SORBS2: variants seen among roughly 807,000 people sequenced by gnomAD.
SORBS2 encodes the protein sorbin and SH3 domain containing 2.
In SORBS2, 46 loss-of-function variants were observed where a neutral mutation model predicts 97.7. The observed-to-expected ratio is 0.47, with a 90% CI of 0.37 to 0.60. The LOEUF is 0.60. SORBS2 is among the 20% of genes least tolerant of loss of function. The pLI, the probability that SORBS2 is intolerant of heterozygous loss-of-function variation, is 0.00. For synonymous variants in SORBS2, 476 were observed against 473.4 expected (o/e 1.01, Z -0.07); for missense variants, 1,316 against 1,282.3 (o/e 1.03, Z -0.40).
chr4:185,721,610 C>T (rs1234601454), intron 2 of SORBS2, among the ~76,000 whole-genome samples: 1 of 152,168 alleles, frequency 6.6e-6, no homozygotes, highest in East Asian at 1.9e-4. Flanking sequence ...GGAGAAATAA[C>T]TTTTTTGGTA....
At chr4:185,908,368 T>TACACACAA (rs2099252863) in intron 1 of SORBS2, among the ~76,000 whole-genome samples, 3 of 145,150 alleles carry the variant, frequency 2.1e-5, no homozygotes, top group Non-Finnish European at 3.0e-5. Context: ...TATACATGTA[T>TACACACAA]ATATATGTTA....
chr4:185,922,965 G>T (rs1412444173), intron 1 of SORBS2, among the ~76,000 whole-genome samples: 1 of 152,204 alleles, frequency 6.6e-6, no homozygotes, highest in African/African-American at 2.4e-5. Context: ...TGTCAAGTTA[G>T]ATACAAACCC....
chr4:185,876,019 T>C (rs2099233419), intron 1 of SORBS2, among the ~76,000 whole-genome samples: 2 of 152,242 alleles, frequency 1.3e-5, no homozygotes, highest in South Asian at 4.1e-4. Context: ...CTTCTCTGTG[T>C]TTTGTACCCT....
intron 4 of SORBS2, among the ~76,000 whole-genome samples, chr4:185,664,010 A>T (rs1365601846): frequency 6.6e-6 from 1 of 151,056 alleles, no homozygotes; most frequent in Non-Finnish European, 1.5e-5. Flanking sequence ...GCCCACCACC[A>T]CGCCCGGCTA....
At chr4:185,658,074 A>G (rs1349030196), upstream of SORBS2, among the ~76,000 whole-genome samples, 1 of 152,232 alleles carries the variant, frequency 6.6e-6, no homozygotes, top group East Asian at 1.9e-4. Flanking sequence ...ATTTCCAGAC[A>G]AAGACATGAC....
At chr4:185,887,813 GA>G (rs1198276236) in intron 1 of SORBS2, among the ~76,000 whole-genome samples, 2 of 152,058 alleles carry the variant, frequency 1.3e-5, no homozygotes, top group African/African-American at 2.4e-5. Flanking sequence ...TGGGGTTGCT[GA>G]TCTTCTTAAT....
intron 1 of SORBS2, among the ~76,000 whole-genome samples, chr4:185,946,642 C>T (rs2099274693): frequency 6.6e-6 from 1 of 152,162 alleles, no homozygotes; most frequent in Non-Finnish European, 1.5e-5. Context: ...ATCTCCTCAT[C>T]CACCCTGCTT....
chr4:185,649,580 G>C, exon 3 of SORBS2: 1 of 1,604,726 alleles, frequency 6.2e-7, no homozygotes, highest in Non-Finnish European at 8.5e-7. Context: ...TGTCGGAGTG[G>C]CTTTTGGAAA....
intron 2 of SORBS2, among the ~76,000 whole-genome samples, chr4:185,767,859 G>T (rs904634087): frequency 6.6e-6 from 1 of 152,124 alleles, no homozygotes; most frequent in African/African-American, 2.4e-5. Context: ...TGAGACTTTT[G>T]TTCTCAATAA....
chr4:185,651,728 C>T (rs2097317299), intron 2 of SORBS2, 56 bp downstream of exon 11: 2 of 971,250 alleles, frequency 2.1e-6, no homozygotes, highest in Non-Finnish European at 3.3e-6. Context: ...CCGTGTCGTT[C>T]TTCCAAACAT....
rs768412056 is a variant in SORBS2, at chr4:185,652,732, T to C, written c.25-4A>G. Reference sequence around the variant, plus strand: ...AGTCCTTGGGCCGGTCGACTGTCTGTAATGAAGAGAGCGTCCAATGGTTAC... The same window carrying C: ...AGTCCTTGGGCCGGTCGACTGTCTGCAATGAAGAGAGCGTCCAATGGTTAC... On this transcript the variant is annotated splice_polypyrimidine_tract_variant and splice_region_variant and intron_variant, in intron 1 of 14. Transcript: ENST00000418609. The C allele has an allele frequency of 1.9e-6, 3 of 1,612,926 alleles. No homozygotes were observed. The African/African-American group carries it at 4.0e-5, about 22-fold the overall frequency.
chr4:185,908,122 T>C (rs1319408790), intron 1 of SORBS2, among the ~76,000 whole-genome samples: 1 of 151,558 alleles, frequency 6.6e-6, no homozygotes, highest in Non-Finnish European at 1.5e-5. Flanking sequence ...GCTTTCTTCT[T>C]CTTGATGAGC....
At chr4:185,803,307 A>C (rs1462576349) in intron 1 of SORBS2, among the ~76,000 whole-genome samples, 1 of 152,178 alleles carries the variant, frequency 6.6e-6, no homozygotes, top group African/African-American at 2.4e-5. Context: ...AAAATTAAAT[A>C]CCAGAGCCAA....
At chr4:185,814,521 C>T (rs2099192074) in intron 1 of SORBS2, among the ~76,000 whole-genome samples, 1 of 151,966 alleles carries the variant, frequency 6.6e-6, no homozygotes, top group South Asian at 2.1e-4. Context: ...AGCTTGGCAA[C>T]AGAGGGAGAC....
chr4:185,870,678 C>T (rs1363911339), intron 1 of SORBS2, among the ~76,000 whole-genome samples: 1 of 152,170 alleles, frequency 6.6e-6, no homozygotes, highest in Non-Finnish European at 1.5e-5. Context: ...GTGCGCAGGT[C>T]GTGAGGGCTG....
At chr4:185,632,018 A>G (rs77103179) in intron 4 of SORBS2, among the ~76,000 whole-genome samples, 3,117 of 152,342 alleles carry the variant, frequency 0.02, 118 homozygotes, top group African/African-American at 0.072. Context: ...AGTTGCCATC[A>G]TCTAGAAACA....
At chr4:185,728,759 A>G (rs2153568518) in intron 2 of SORBS2, among the ~76,000 whole-genome samples, 1 of 152,308 alleles carries the variant, frequency 6.6e-6, no homozygotes, top group East Asian at 1.9e-4. Flanking sequence ...TTCTCATTAA[A>G]TCGCCCATTT....
intron 4 of SORBS2, among the ~76,000 whole-genome samples, chr4:185,674,860 A>T (rs1310404991): frequency 6.6e-6 from 1 of 152,206 alleles, no homozygotes; most frequent in Admixed American, 6.5e-5. Context: ...CATACTTGAC[A>T]TGATATCTGG....
intron 6 of SORBS2, among the ~76,000 whole-genome samples, chr4:185,624,980 A>G (rs893674105): frequency 2.6e-5 from 4 of 152,240 alleles, no homozygotes; most frequent in Non-Finnish European, 5.9e-5. Context: ...ATACATTTAC[A>G]TCGAATTAAT....
Sources: gnomAD v4.1 joint callset for allele counts (sites outside exome capture counted in the v4.1 genomes callset) on GRCh38, gnomAD v4.1.1 for gene constraint, MANE v1.5 for transcripts, NCBI Gene and HGNC (gene_info 2026-07-23, HGNC 2026-07-21) for gene names.